The following ROBO2 variants were observed in gnomAD, a reference collection of about 807,000 sequenced individuals.
The protein encoded by ROBO2 is roundabout homolog 2.
In ROBO2, 53 loss-of-function variants were observed where a neutral mutation model predicts 160.8. That is an observed-to-expected ratio of 0.33 (90% confidence interval 0.26 to 0.41). ROBO2 has a LOEUF of 0.41. ROBO2 is among the 10% of genes least tolerant of loss of function. The probability of loss-of-function intolerance (pLI) is 1.00; values close to 1 mark genes in which losing one functional copy is unlikely to be tolerated. For missense variants in ROBO2, 1,577 were observed against 1,722.4 expected, an observed-to-expected ratio of 0.92 and a Z score of 1.49; for synonymous variants, 664 against 611.7, an observed-to-expected ratio of 1.09 and a Z score of -1.26.
chr3:75,988,112 T>C (rs540588940), intron 2 of ROBO2, among the ~76,000 whole-genome samples: 1 of 152,206 alleles, frequency 6.6e-6, no homozygotes, highest in South Asian at 2.1e-4. Flanking sequence ...GTTATTATAG[T>C]TCTTCTTTAA....
At chr3:77,484,940 C>A (rs547424607) in intron 4 of ROBO2, among the ~76,000 whole-genome samples, 1 of 152,212 alleles carries the variant, frequency 6.6e-6, no homozygotes, top group Non-Finnish European at 1.5e-5. Context: ...CTATACCTGT[C>A]ATGAATTCTT....
intron 2 of ROBO2, among the ~76,000 whole-genome samples, chr3:76,190,755 A>T (rs1701969979): frequency 6.6e-6 from 1 of 152,112 alleles, no homozygotes. Context: ...TGGACAATAA[A>T]GTATCCAAGA....
At chr3:77,256,517 T>G (rs536713267) in intron 2 of ROBO2, among the ~76,000 whole-genome samples, 17 of 148,902 alleles carry the variant, frequency 1.1e-4, no homozygotes, top group African/African-American at 4.2e-4. Flanking sequence ...TATGTGTGCA[T>G]GTGAAAACTA....
chr3:76,089,288 C>T (rs1422887397), intron 2 of ROBO2, among the ~76,000 whole-genome samples: 1 of 151,994 alleles, frequency 6.6e-6, no homozygotes. Context: ...TCTCCACAGT[C>T]TCTTTTGGGA....
intron 2 of ROBO2, among the ~76,000 whole-genome samples, chr3:76,376,870 T>G (rs2076372545): frequency 6.6e-6 from 1 of 152,112 alleles, no homozygotes; most frequent in Admixed American, 6.6e-5. Context: ...ACCCCTGGCT[T>G]TTGAAACGGT....
intron 2 of ROBO2, among the ~76,000 whole-genome samples, chr3:76,981,040 T>C (rs2060072229): frequency 6.6e-6 from 1 of 152,252 alleles, no homozygotes; most frequent in South Asian, 2.1e-4. Flanking sequence ...CGTCGCCTAA[T>C]AATGTTCCAT....
At chr3:75,932,561 G>A (rs1244784959) in intron 1 of ROBO2, among the ~76,000 whole-genome samples, 1 of 152,276 alleles carries the variant, frequency 6.6e-6, no homozygotes, top group African/African-American at 2.4e-5. Flanking sequence ...AGCAGGCATC[G>A]TGTGTTATTC....
At chr3:76,035,684 A>G (rs2067083242) in intron 2 of ROBO2, among the ~76,000 whole-genome samples, 1 of 152,056 alleles carries the variant, frequency 6.6e-6, no homozygotes, top group Non-Finnish European at 1.5e-5. Flanking sequence ...CACAAGCCAT[A>G]TTGCACCGAG....
chr3:76,451,232 G>A (rs1426903955), intron 2 of ROBO2, among the ~76,000 whole-genome samples: 2 of 152,274 alleles, frequency 1.3e-5, no homozygotes, highest in African/African-American at 4.8e-5. Flanking sequence ...AGGTCTCCTT[G>A]TCCCCATAAG....
intron 7 of ROBO2, among the ~76,000 whole-genome samples, chr3:77,549,044 T>A (rs558652545): frequency 6.6e-6 from 1 of 152,062 alleles, no homozygotes; most frequent in South Asian, 2.1e-4. Flanking sequence ...TAATGCCAAT[T>A]AGCTCTAATA....
intron 2 of ROBO2, among the ~76,000 whole-genome samples, chr3:77,268,424 A>G (rs370788874): frequency 6.6e-6 from 1 of 152,276 alleles, no homozygotes; most frequent in East Asian, 1.9e-4. Context: ...ACTTAATGAA[A>G]TTATTCATTC....
At position 76,324,269 on chromosome 3, in the gene ROBO2, G is replaced by T. The variant is rs193059315; in HGVS notation, c.109+386667G>T. Among the ~76,000 whole-genome samples the T allele has an allele frequency of 6.3e-4, 96 of 152,226 alleles. 1 individual carries two copies. The highest frequency in any genetic ancestry group is 2.1e-3 in the African/African-American group (88 of 41,540). ...CTTTTCTAGCTTCAAAAACCACAAG[G>T]GATGAATCAAATGCTTTGAGACGTA... On this transcript the variant is annotated intron_variant, in intron 2 of 26. Coordinates refer to the ROBO2 transcript ENST00000487694.
intron 21 of ROBO2, among the ~76,000 whole-genome samples, chr3:77,609,695 T>C (rs2094588589): frequency 2.0e-5 from 3 of 151,438 alleles, no homozygotes; most frequent in African/African-American, 4.8e-5. Context: ...AAATAGTAGA[T>C]GGTGCAAATT....
chr3:76,100,436 AT>A (rs1342015095), intron 2 of ROBO2, among the ~76,000 whole-genome samples: 1 of 152,188 alleles, frequency 6.6e-6, no homozygotes, highest in East Asian at 1.9e-4. Flanking sequence ...TATTCTTGCA[AT>A]ATTGTATGTA....
At chr3:76,154,148 T>G (rs2072315157) in intron 2 of ROBO2, among the ~76,000 whole-genome samples, 1 of 152,056 alleles carries the variant, frequency 6.6e-6, no homozygotes, top group African/African-American at 2.4e-5. Context: ...AACAGATATT[T>G]CCAAATCAGA....
chr3:77,283,511 T>G (rs2060380583), intron 2 of ROBO2, among the ~76,000 whole-genome samples: 3 of 152,198 alleles, frequency 2.0e-5, no homozygotes, highest in Admixed American at 2.0e-4. Flanking sequence ...AGGCACATTT[T>G]TATCTCTAAA....
At chr3:77,634,846 C>G in intron 23 of ROBO2, 24 bp from the exon 25 acceptor site, 1 of 1,611,252 alleles carries the variant, frequency 6.2e-7, no homozygotes, top group Non-Finnish European at 8.5e-7. Flanking sequence ...TCTCTAGAAC[C>G]CATTCCCTTT....
rs369947015 is a variant in ROBO2 at position 77,180,388 on chromosome 3, T to TTCTCTCTCTCTCTC, written c.388+82064_388+82077dup. ...AAATGTTTCTAAACTACCTTTTGAATTCTCTCTCTCTCTCTCTCTCTCTCT... is the reference window on the plus strand; with the variant it reads ...AAATGTTTCTAAACTACCTTTTGAATTCTCTCTCTCTCTCTCTCTCTCTCTCTCTCTCTCTCTCT... On this transcript the variant is annotated intron_variant, in intron 2 of 25. Coordinates refer to ENST00000461745, the Ensembl canonical transcript of ROBO2. Among the ~76,000 whole-genome samples, 49 of 99,420 alleles carry TTCTCTCTCTCTCTC rather than the reference T, an allele frequency of 4.9e-4. 2 individuals are homozygous for TTCTCTCTCTCTCTC. The highest frequency in any genetic ancestry group is 8.4e-4 in the Admixed American group (7 of 8,346). 65.2% of individuals were successfully genotyped at this position (99,420 alleles called of 152,430 possible). A position where few individuals can be genotyped will look rare whatever the true frequency, so the allele number is the denominator to read the frequency against.
At chr3:77,354,544 T>A (rs1001502025) in intron 2 of ROBO2, among the ~76,000 whole-genome samples, 1 of 152,172 alleles carries the variant, frequency 6.6e-6, no homozygotes, top group East Asian at 1.9e-4. Context: ...GGCCTAGTCT[T>A]AGATGAAGAA....
Sources: gnomAD v4.1 joint callset for allele counts (sites outside exome capture counted in the v4.1 genomes callset) on GRCh38, gnomAD v4.1.1 for gene constraint, MANE v1.5 for transcripts, NCBI Gene and HGNC (gene_info 2026-07-23, HGNC 2026-07-21) for gene names.